Variants in ERBIN observed in about 807,000 individuals in gnomAD.
ERBIN encodes erbb2 interacting protein.
ERBIN carries 60 observed loss-of-function variants against 158.4 expected under a neutral mutation model. That is an observed-to-expected ratio of 0.38 (90% confidence interval 0.31 to 0.47). The LOEUF (loss-of-function observed/expected upper bound fraction) is 0.47. ERBIN is among the 20% of genes least tolerant of loss of function. The pLI is 0.99. For missense variants in ERBIN, 1,610 were observed against 1,648.0 expected (o/e 0.98, Z 0.40); for synonymous variants, 594 against 557.2 (o/e 1.07, Z -0.93).
intron 1 of ERBIN, among the ~76,000 whole-genome samples, chr5:65,987,493 TTGAGGCTGAAG>T (rs1203915879): frequency 6.6e-6 from 1 of 151,436 alleles, no homozygotes; most frequent in Non-Finnish European, 1.5e-5. Flanking sequence ...GCCCAGGAGG[TTGAGGCTGAAG>T]TGAGCCGTGA....
chr5:66,011,458 TG>T (rs2151101961), intron 4 of ERBIN, among the ~76,000 whole-genome samples: 1 of 152,264 alleles, frequency 6.6e-6, no homozygotes, highest in East Asian at 1.9e-4. Flanking sequence ...GAGATCGAGG[TG>T]GGTGGATCAC....
At chr5:66,040,859 GA>G (rs3840318) in intron 15 of ERBIN, among the ~76,000 whole-genome samples, 72,193 of 150,630 alleles carry the variant, frequency 0.48, 19,223 homozygotes, top group Non-Finnish European at 0.61. Context: ...AAAAAAAGAG[GA>G]AAAAAAGAAA....
intron 9 of ERBIN, among the ~76,000 whole-genome samples, chr5:66,024,081 C>G (rs1306436363): frequency 1.3e-5 from 2 of 152,102 alleles, no homozygotes; most frequent in Non-Finnish European, 2.9e-5. Context: ...ACCTGAATTC[C>G]CAAAGAATAT....
intron 17 of ERBIN, among the ~76,000 whole-genome samples, chr5:66,045,791 A>C (rs1468008914): frequency 6.6e-6 from 1 of 152,174 alleles, no homozygotes; most frequent in Non-Finnish European, 1.5e-5. Flanking sequence ...AATGCCAGAA[A>C]AATTATTATT....
chr5:66,035,706 A>T (rs913535974), intron 14 of ERBIN, among the ~76,000 whole-genome samples: 1 of 152,196 alleles, frequency 6.6e-6, no homozygotes, highest in Non-Finnish European at 1.5e-5. Context: ...TTTTTCGATT[A>T]TATGTTAAAA....
chr5:66,030,073 T>G (rs369297904), intron 14 of ERBIN, among the ~76,000 whole-genome samples: 1 of 152,114 alleles, frequency 6.6e-6, no homozygotes, highest in Non-Finnish European at 1.5e-5. Flanking sequence ...AGTCTTGCTC[T>G]GTCACCCAGG....
chr5:65,940,095 A>C (rs1236720106), intron 1 of ERBIN, among the ~76,000 whole-genome samples: 1 of 146,726 alleles, frequency 6.8e-6, no homozygotes, highest in African/African-American at 2.6e-5. Flanking sequence ...CCCATCTAGG[A>C]AGTGAGGAGC....
chr5:65,949,624 G>A (rs1746257974), intron 1 of ERBIN, among the ~76,000 whole-genome samples: 1 of 152,132 alleles, frequency 6.6e-6, no homozygotes, highest in Non-Finnish European at 1.5e-5. Context: ...TATATTTCTA[G>A]AAGAACTGCT....
chr5:66,059,673 T>G (rs965012720), intron 21 of ERBIN, among the ~76,000 whole-genome samples: 2 of 152,182 alleles, frequency 1.3e-5, no homozygotes, highest in Non-Finnish European at 2.9e-5. Flanking sequence ...TGGCTGTGGG[T>G]TTGTCATAGA....
chr5:66,036,976 G>A (rs139087057), intron 14 of ERBIN, among the ~76,000 whole-genome samples: 4 of 152,142 alleles, frequency 2.6e-5, no homozygotes, highest in Non-Finnish European at 5.9e-5. Context: ...GTACCATACA[G>A]TGAACCCCTT....
At chr5:66,055,336 A>G (rs746409782) in intron 21 of ERBIN, among the ~76,000 whole-genome samples, 6 of 152,350 alleles carry the variant, frequency 3.9e-5, no homozygotes, top group Non-Finnish European at 7.4e-5. Context: ...ATAACAAAAA[A>G]TGTATTGCAA....
At chr5:65,940,478 C>T (rs1315565380) in intron 1 of ERBIN, among the ~76,000 whole-genome samples, 2 of 106,616 alleles carry the variant, frequency 1.9e-5, no homozygotes, top group South Asian at 3.0e-4. Context: ...GGGGTCAGTC[C>T]CCCCCCCCCC....
chr5:66,076,810 G>T (rs1762020013), intron 24 of ERBIN, 65 bp from the exon 25 acceptor site: 2 of 1,165,540 alleles, frequency 1.7e-6, no homozygotes, highest in Non-Finnish European at 2.5e-6. Flanking sequence ...AGGAAAAATT[G>T]CTCCTTGGTA....
chr5:66,065,944 T>A (rs1350281027), intron 21 of ERBIN, among the ~76,000 whole-genome samples: 2 of 152,112 alleles, frequency 1.3e-5, no homozygotes, highest in Non-Finnish European at 2.9e-5. Context: ...ACCAGCCTCC[T>A]AAAAATAATT....
At chr5:66,069,497 G>C (rs1761339480) in intron 21 of ERBIN, among the ~76,000 whole-genome samples, 1 of 152,158 alleles carries the variant, frequency 6.6e-6, no homozygotes, top group South Asian at 2.1e-4. Flanking sequence ...TGGAGAAATT[G>C]TAATAAGTGT....
intron 1 of ERBIN, among the ~76,000 whole-genome samples, chr5:65,961,483 A>T (rs1169005205): frequency 6.6e-6 from 1 of 152,200 alleles, no homozygotes; most frequent in Non-Finnish European, 1.5e-5. Flanking sequence ...TGGATAAGAG[A>T]TTGTAGATCT....
intron 1 of ERBIN, among the ~76,000 whole-genome samples, chr5:65,946,459 A>G (rs955916285): frequency 6.6e-6 from 1 of 152,200 alleles, no homozygotes; most frequent in African/African-American, 2.4e-5. Context: ...GTTGTTGCTT[A>G]TAGCTATAAT....
chr5:65,932,825 C>T (rs908894873), intron 1 of ERBIN, among the ~76,000 whole-genome samples: 6 of 152,150 alleles, frequency 3.9e-5, no homozygotes, highest in Non-Finnish European at 7.3e-5. Flanking sequence ...GAGACAGGAT[C>T]TCACTGTGTT....
At chr5:65,954,539 T>G (rs751872545) in intron 1 of ERBIN, among the ~76,000 whole-genome samples, 6 of 152,194 alleles carry the variant, frequency 3.9e-5, no homozygotes, top group Admixed American at 1.3e-4. Context: ...TGATGAACAT[T>G]GTAACATTTT....
Sources: allele counts gnomAD v4.1 joint callset (sites outside exome capture counted in the v4.1 genomes callset), GRCh38; gene constraint gnomAD v4.1.1; transcripts MANE v1.5; gene names NCBI Gene and HGNC (gene_info 2026-07-23, HGNC 2026-07-21).